SETBP1: variants seen among roughly 807,000 people sequenced by gnomAD.
SETBP1 encodes the protein SET-binding protein.
Under a neutral mutation model 101.0 loss-of-function variants are expected in SETBP1, and 9 were observed. The observed-to-expected ratio is 0.09, with a 90% confidence interval of 0.05 to 0.16. The LOEUF (loss-of-function observed/expected upper bound fraction) is 0.16, where lower values mean the gene tolerates loss of function less well. SETBP1 is among the 10% of genes least tolerant of loss of function. The probability of loss-of-function intolerance (pLI) is 1.00; values close to 1 mark genes in which losing one functional copy is unlikely to be tolerated. For missense variants in SETBP1, 1,858 were observed against 2,033.8 expected, an observed-to-expected ratio of 0.91 and a Z score of 1.66; for synonymous variants, 818 against 788.5, an observed-to-expected ratio of 1.04 and a Z score of -0.63.
chr18:44,876,636 C>A (rs1268443092), intron 3 of SETBP1: 1 of 1,551,620 alleles, frequency 6.4e-7, no homozygotes, highest in East Asian at 2.4e-5. Context: ...AAAAGCAATT[C>A]CTGTCCCAGG....
intron 3 of SETBP1, among the ~76,000 whole-genome samples, chr18:44,915,448 C>T (rs1056514226): frequency 1.3e-5 from 2 of 152,192 alleles, no homozygotes; most frequent in Non-Finnish European, 2.9e-5. Context: ...CTATGCTAAA[C>T]ACCACGGGAA....
At chr18:44,949,797 A>G in intron 3 of SETBP1, 84 bp from the exon 4 acceptor site, 1 of 1,066,480 alleles carries the variant, frequency 9.4e-7, no homozygotes, top group Middle Eastern at 2.4e-4. Context: ...GAGACTTTTG[A>G]TGTCAAATAT....
intron 4 of SETBP1, among the ~76,000 whole-genome samples, chr18:44,965,390 G>A (rs2071700806): frequency 1.3e-5 from 2 of 151,992 alleles, no homozygotes; most frequent in Admixed American, 1.3e-4. Flanking sequence ...AGCATTTAGA[G>A]AGAAGGCACT....
At chr18:44,891,804 G>T (rs1321960830) in intron 3 of SETBP1, among the ~76,000 whole-genome samples, 1 of 152,058 alleles carries the variant, frequency 6.6e-6, no homozygotes, top group African/African-American at 2.4e-5. Context: ...TCTGTATAAT[G>T]GAGGCATTTT....
At chr18:44,743,725 G>C (rs2070152750) in intron 2 of SETBP1, among the ~76,000 whole-genome samples, 1 of 152,158 alleles carries the variant, frequency 6.6e-6, no homozygotes, top group South Asian at 2.1e-4. Context: ...CTAGTTGTCT[G>C]ACTTGGTTTG....
intron 3 of SETBP1, among the ~76,000 whole-genome samples, chr18:44,925,255 T>C (rs1047065160): frequency 6.6e-6 from 1 of 151,878 alleles, no homozygotes; most frequent in African/African-American, 2.4e-5. Flanking sequence ...AATAAAATAC[T>C]TAAGAACCTC....
At chr18:44,962,042 G>C (rs765843386) in intron 4 of SETBP1, among the ~76,000 whole-genome samples, 11 of 152,164 alleles carry the variant, frequency 7.2e-5, no homozygotes, top group Non-Finnish European at 1.2e-4. Context: ...CCAGCATATA[G>C]CATAGTGCCA....
At chr18:45,016,794 TACCTCCCC>T (rs1304220106) in intron 4 of SETBP1, among the ~76,000 whole-genome samples, 4 of 37,318 alleles carry the variant, frequency 1.1e-4, no homozygotes, top group East Asian at 1.8e-3. Context: ...CCCCCACCCC[TACCTCCCC>T]ACCTCCCCAC....
chr18:44,756,600 A>G (rs1294264811), intron 2 of SETBP1, among the ~76,000 whole-genome samples: 1 of 152,088 alleles, frequency 6.6e-6, no homozygotes, highest in Non-Finnish European at 1.5e-5. Context: ...CCTCCTGACC[A>G]CACCAGACAT....
In SETBP1 at chr18:44,897,139, C is replaced by T. The variant is rs188897595; in HGVS notation, c.540+27856C>T. Among the ~76,000 whole-genome samples, 4 of 152,278 alleles carry T rather than the reference C, an allele frequency of 2.6e-5. No individual in the cohort carries two copies. The East Asian group carries it at 7.7e-4, about 29-fold the overall frequency. On this transcript the variant is annotated intron_variant, in intron 3 of 5. Coordinates refer to ENST00000649279, the MANE Select transcript of SETBP1 (RefSeq NM_015559.3). The stretch of plus-strand genomic sequence containing the variant: ...AGAGGTTAAGATTGCATTTGCGCTC[C>T]AGAGTTGCTGAATCTCTCTGCTTTT...
At chr18:44,800,486 A>T (rs1381312294) in intron 2 of SETBP1, among the ~76,000 whole-genome samples, 2 of 152,188 alleles carry the variant, frequency 1.3e-5, no homozygotes, top group Non-Finnish European at 2.9e-5. Context: ...ATGTAAATAA[A>T]CAGTTTCAAA....
At chr18:44,934,355 G>T (rs2070910651) in intron 3 of SETBP1, among the ~76,000 whole-genome samples, 1 of 152,114 alleles carries the variant, frequency 6.6e-6, no homozygotes, top group Non-Finnish European at 1.5e-5. Context: ...TGCCATGTTG[G>T]CCAGGCTGGT....
intron 4 of SETBP1, among the ~76,000 whole-genome samples, chr18:44,980,094 C>T (rs1258605471): frequency 6.6e-6 from 1 of 152,034 alleles, no homozygotes; most frequent in Non-Finnish European, 1.5e-5. Context: ...TGGAACCGGA[C>T]AATAAGCAAA....
intron 1 of SETBP1, among the ~76,000 whole-genome samples, chr18:44,690,785 C>T (rs1262872431): frequency 1.3e-5 from 2 of 152,142 alleles, no homozygotes; most frequent in African/African-American, 2.4e-5. Context: ...AGATGAAAAA[C>T]GTAAATAAAC....
chr18:45,016,466 C>G (rs971558816), intron 4 of SETBP1, among the ~76,000 whole-genome samples: 3 of 152,112 alleles, frequency 2.0e-5, no homozygotes, highest in African/African-American at 7.2e-5. Flanking sequence ...AGTTCCCTGT[C>G]GCGGCGGAAC....
chr18:44,922,824 G>A (rs2070612718), intron 3 of SETBP1, among the ~76,000 whole-genome samples: 1 of 152,178 alleles, frequency 6.6e-6, no homozygotes, highest in South Asian at 2.1e-4. Flanking sequence ...CATGGCGCAG[G>A]TTCTAACTTA....
chr18:44,916,174 C>T lies in SETBP1; in HGVS notation c.541-33707C>T, dbSNP rs147003287. On this transcript the variant is annotated intron_variant, in intron 3 of 5. Coordinates refer to ENST00000649279, the MANE Select transcript of SETBP1 (RefSeq NM_015559.3). ...CTGGCAGGAGGAGATTGCAGTGAGC[C>T]GAGATCATGCCACTGCACTCCAGCC... is the stretch of plus-strand genomic sequence containing the variant. 2.2e-3 allele frequency among the ~76,000 whole-genome samples: 331 copies of T among 152,134 alleles called. 1 individual carries two copies. The highest frequency in any genetic ancestry group is 7.4e-3 in the African/African-American group (308 of 41,502).
intron 3 of SETBP1, among the ~76,000 whole-genome samples, chr18:44,921,137 T>G (rs2070570729): frequency 6.6e-6 from 1 of 152,264 alleles, no homozygotes; most frequent in African/African-American, 2.4e-5. Flanking sequence ...TACAATAGTT[T>G]TGTTCTTCAT....
intron 2 of SETBP1, among the ~76,000 whole-genome samples, chr18:44,768,056 A>G (rs1481113074): frequency 6.6e-6 from 1 of 152,230 alleles, no homozygotes; most frequent in Non-Finnish European, 1.5e-5. Flanking sequence ...CCTTGGAATC[A>G]AGATTCATGC....
Sources: allele counts gnomAD v4.1 joint callset (sites outside exome capture counted in the v4.1 genomes callset), GRCh38; gene constraint gnomAD v4.1.1; transcripts MANE v1.5; gene names NCBI Gene and HGNC (gene_info 2026-07-23, HGNC 2026-07-21).